The following OR1B1 variants were observed in gnomAD, a reference collection of about 807,000 sequenced individuals.
OR1B1 encodes olfactory receptor 1B1.
For missense variants in OR1B1, 414 were observed against 402.1 expected (o/e 1.03, Z -0.25); for synonymous variants, 168 against 156.2 (o/e 1.08, Z -0.57).
At chr9:122,642,296 GA>G in the OR1B1 span, among the ~76,000 whole-genome samples, 1 of 152,122 alleles carries the variant, frequency 6.6e-6, no homozygotes, top group Non-Finnish European at 1.5e-5. Flanking sequence ...ATTTGTCAGG[GA>G]AAAACAGGAT....
the OR1B1 span, among the ~76,000 whole-genome samples, chr9:122,649,653 C>T: frequency 2.6e-3 from 392 of 152,316 alleles, no homozygotes; most frequent in African/African-American, 9.0e-3. Context: ...GAAAAAAGCT[C>T]ATCATCACTG....
At chr9:122,646,208 G>A in the OR1B1 span, among the ~76,000 whole-genome samples, 1 of 151,626 alleles carries the variant, frequency 6.6e-6, no homozygotes, top group Non-Finnish European at 1.5e-5. Flanking sequence ...CACAAAAAAC[G>A]AAGAGCAAAA....
chr9:122,642,700 A>G, the OR1B1 span, among the ~76,000 whole-genome samples: 1 of 152,102 alleles, frequency 6.6e-6, no homozygotes, highest in Non-Finnish European at 1.5e-5. Context: ...GACGACAAAC[A>G]CTTGTGTATC....
At chr9:122,655,513 G>A in the OR1B1 span, among the ~76,000 whole-genome samples, 2 of 152,164 alleles carry the variant, frequency 1.3e-5, no homozygotes, top group African/African-American at 4.8e-5. Context: ...AAAAAGGAAT[G>A]AGAATGAGAG....
the OR1B1 span, among the ~76,000 whole-genome samples, chr9:122,640,969 AT>A: frequency 6.6e-6 from 1 of 152,346 alleles, no homozygotes; most frequent in South Asian, 2.1e-4. Flanking sequence ...AGAAAGAAGA[AT>A]AAATATTAGA....
the OR1B1 span, among the ~76,000 whole-genome samples, chr9:122,656,352 C>A: frequency 1.3e-5 from 2 of 152,140 alleles, no homozygotes; most frequent in Non-Finnish European, 1.5e-5. Context: ...GGAGCTTAAT[C>A]CCCACTACGA....
the OR1B1 span, among the ~76,000 whole-genome samples, chr9:122,646,808 T>C: frequency 6.6e-6 from 1 of 152,032 alleles, no homozygotes; most frequent in African/African-American, 2.4e-5. Flanking sequence ...TGTGTAAACT[T>C]CTCCTAAGTA....
At chr9:122,648,343 C>T in the OR1B1 span, among the ~76,000 whole-genome samples, 370 of 152,140 alleles carry the variant, frequency 2.4e-3, no homozygotes, top group African/African-American at 7.6e-3. Flanking sequence ...AAAAAGCCTT[C>T]GATAAAATTC....
the OR1B1 span, among the ~76,000 whole-genome samples, chr9:122,636,187 A>G: frequency 1.3e-5 from 2 of 152,110 alleles, no homozygotes; most frequent in Admixed American, 1.3e-4. Context: ...TTAGTGGAGC[A>G]TTTTTTGCTT....
the OR1B1 span, among the ~76,000 whole-genome samples, chr9:122,655,743 C>T: frequency 2.6e-5 from 4 of 151,902 alleles, no homozygotes; most frequent in East Asian, 7.8e-4. Flanking sequence ...GCATTCTGGG[C>T]TTAATACCTA....
upstream of OR1B1, among the ~76,000 whole-genome samples, chr9:122,631,273 T>C (rs992104474): frequency 6.6e-6 from 1 of 151,886 alleles, no homozygotes; most frequent in Admixed American, 6.6e-5. Context: ...GCCTTCCAAG[T>C]TCATGCCATT....
the OR1B1 span, among the ~76,000 whole-genome samples, chr9:122,640,920 C>G: frequency 1.3e-5 from 2 of 152,040 alleles, no homozygotes; most frequent in African/African-American, 2.4e-5. Flanking sequence ...TAAGACACAT[C>G]ATACAAAGAC....
At chr9:122,641,898 A>G in the OR1B1 span, among the ~76,000 whole-genome samples, 1 of 152,190 alleles carries the variant, frequency 6.6e-6, no homozygotes, top group Non-Finnish European at 1.5e-5. Context: ...AATTTTTTTA[A>G]AAAAGATCTT....
the OR1B1 span, among the ~76,000 whole-genome samples, chr9:122,653,217 G>T: frequency 6.6e-6 from 1 of 152,204 alleles, no homozygotes; most frequent in Non-Finnish European, 1.5e-5. Context: ...ATGTATTAAT[G>T]TTGACAGACA....
upstream of OR1B1, among the ~76,000 whole-genome samples, chr9:122,630,048 T>C (rs1004997667): frequency 7.2e-5 from 11 of 152,192 alleles, no homozygotes; most frequent in African/African-American, 2.4e-4. Context: ...CTTTTTTACA[T>C]TTTCCTCTAA....
chr9:122,646,687 G>A, the OR1B1 span, among the ~76,000 whole-genome samples: 1 of 152,100 alleles, frequency 6.6e-6, no homozygotes, highest in African/African-American at 2.4e-5. Context: ...CCCAAAACTG[G>A]AGTACCCAGA....
At chr9:122,651,380 A>G in the OR1B1 span, among the ~76,000 whole-genome samples, 3 of 152,196 alleles carry the variant, frequency 2.0e-5, no homozygotes, top group East Asian at 5.8e-4. Context: ...TGTTAACTAC[A>G]ATCATCCTGC....
chr9:122,635,069 A>G, the OR1B1 span, among the ~76,000 whole-genome samples: 1 of 152,336 alleles, frequency 6.6e-6, no homozygotes, highest in South Asian at 2.1e-4. Context: ...TCATAGAGAT[A>G]TCTGCACTCC....
At chr9:122,642,187 C>G in the OR1B1 span, among the ~76,000 whole-genome samples, 11 of 151,630 alleles carry the variant, frequency 7.3e-5, no homozygotes, top group African/African-American at 2.7e-4. Context: ...GAGTGAGGAG[C>G]GAGAAGGGAA....
Sources: allele counts gnomAD v4.1 joint callset (sites outside exome capture counted in the v4.1 genomes callset), GRCh38; gene constraint gnomAD v4.1.1; transcripts MANE v1.5; gene names NCBI Gene and HGNC (gene_info 2026-07-23, HGNC 2026-07-21).